Variants in RAP1GDS1 observed in about 807,000 individuals in gnomAD.
RAP1GDS1 encodes Rap1 GTPase-GDP dissociation stimulator 1.
Under a neutral mutation model 71.1 loss-of-function variants are expected in RAP1GDS1, and 35 were observed. That is an observed-to-expected ratio of 0.49 (90% CI 0.38 to 0.65). The LOEUF is 0.65. Among genes scored for constraint, RAP1GDS1 ranks in the 30% least tolerant of loss-of-function variants. The probability of loss-of-function intolerance (pLI) is 0.00; values close to 1 mark genes in which losing one functional copy is unlikely to be tolerated. For synonymous variants in RAP1GDS1, 229 were observed against 243.1 expected (o/e 0.94, Z 0.54); for missense variants, 663 against 706.1 (o/e 0.94, Z 0.69).
At chr4:98,437,132 A>G in intron 14 of RAP1GDS1, 64 bp downstream of exon 14, 2 of 1,392,494 alleles carry the variant, frequency 1.4e-6, no homozygotes, top group Non-Finnish European at 1.9e-6. Context: ...TTAAATATAG[A>G]GTAATAGTAA....
At chr4:98,392,160 C>A in intron 6 of RAP1GDS1, 80 bp downstream of exon 6, 3 of 1,295,032 alleles carry the variant, frequency 2.3e-6, no homozygotes, top group South Asian at 1.6e-5. Context: ...TATTAAGAAG[C>A]TAGAAATCCA....
At chr4:98,316,940 T>TCCA (rs1380687358) in intron 2 of RAP1GDS1, among the ~76,000 whole-genome samples, 1 of 152,148 alleles carries the variant, frequency 6.6e-6, no homozygotes, top group East Asian at 1.9e-4. Context: ...GATGCCGCTA[T>TCCA]GGGATGGGAA....
Position 98,266,832 on chromosome 4 carries a change from A to G in RAP1GDS1, c.4+5263A>G, listed in dbSNP as rs186482457. Among the ~76,000 whole-genome samples the G allele has an allele frequency of 2.6e-5, 4 of 152,292 alleles. No individual in the cohort carries two copies. The East Asian group carries it at 7.7e-4, about 29-fold the overall frequency. ...TAAGAACCAAAATGATTTTGCTTTCATAGTGGAATCTTGGAATTTCTAGGT... is the reference window on the plus strand; with the variant it reads ...TAAGAACCAAAATGATTTTGCTTTCGTAGTGGAATCTTGGAATTTCTAGGT... On this transcript the variant is annotated intron_variant, in intron 1 of 14. Coordinates refer to ENST00000408927, the MANE Select transcript of RAP1GDS1 (RefSeq NM_001100427.2).
At chr4:98,437,708 G>T (rs759437896) in intron 14 of RAP1GDS1, among the ~76,000 whole-genome samples, 1 of 151,540 alleles carries the variant, frequency 6.6e-6, no homozygotes, top group African/African-American at 2.4e-5. Flanking sequence ...CAAGACAATC[G>T]CTTGAACCTG....
intron 1 of RAP1GDS1, among the ~76,000 whole-genome samples, chr4:98,291,459 A>C (rs767419096): frequency 6.6e-6 from 1 of 152,170 alleles, no homozygotes; most frequent in Non-Finnish European, 1.5e-5. Flanking sequence ...CTGGAATTAC[A>C]CAAAAAGTAA....
At chr4:98,272,739 A>G (rs765735404) in intron 1 of RAP1GDS1, among the ~76,000 whole-genome samples, 18 of 151,878 alleles carry the variant, frequency 1.2e-4, no homozygotes, top group Admixed American at 2.6e-4. Context: ...AGTGCTTTGG[A>G]GCTTCTTGGT....
At chr4:98,271,636 TTA>T (rs1491526350) in intron 1 of RAP1GDS1, among the ~76,000 whole-genome samples, 2 of 147,450 alleles carry the variant, frequency 1.4e-5, no homozygotes, top group African/African-American at 5.4e-5. Context: ...GTATATATAA[TTA>T]TGTTTTAATA....
intron 6 of RAP1GDS1, among the ~76,000 whole-genome samples, chr4:98,394,860 T>C (rs1744285454): frequency 6.6e-6 from 1 of 152,124 alleles, no homozygotes; most frequent in African/African-American, 2.4e-5. Context: ...AGATTCCAAA[T>C]TGTTCACGTT....
At chr4:98,293,866 T>C (rs1243188977) in intron 2 of RAP1GDS1, among the ~76,000 whole-genome samples, 1 of 152,056 alleles carries the variant, frequency 6.6e-6, no homozygotes, top group Non-Finnish European at 1.5e-5. Flanking sequence ...TTGTTTTATA[T>C]GTGGGGAGAG....
intron 4 of RAP1GDS1, among the ~76,000 whole-genome samples, chr4:98,354,861 T>G (rs1737724726): frequency 6.6e-6 from 1 of 152,158 alleles, no homozygotes; most frequent in South Asian, 2.1e-4. Context: ...TTTGAAGTCT[T>G]AAAAGTGAAT....
intron 5 of RAP1GDS1, among the ~76,000 whole-genome samples, chr4:98,391,320 T>C (rs944387861): frequency 2.0e-5 from 3 of 152,086 alleles, no homozygotes; most frequent in Non-Finnish European, 2.9e-5. Flanking sequence ...TCCTCTCTCT[T>C]ACTGAGATGA....
chr4:98,300,069 A>G (rs1010067581), intron 2 of RAP1GDS1, among the ~76,000 whole-genome samples: 6 of 152,228 alleles, frequency 3.9e-5, no homozygotes, highest in South Asian at 2.1e-4. Flanking sequence ...AAGAAGTTCT[A>G]TAGGTGAAAT....
chr4:98,407,775 A>G (rs574913282), intron 7 of RAP1GDS1, among the ~76,000 whole-genome samples: 1 of 152,258 alleles, frequency 6.6e-6, no homozygotes, highest in South Asian at 2.1e-4. Flanking sequence ...CTTTGCCACT[A>G]TACAATTCAT....
At position 98,398,908 on chromosome 4, in the gene RAP1GDS1, A is replaced by C. The variant is rs1744950070; in HGVS notation, c.638-5569A>C. ...CAAGGAAAACTACAAAACACTGATG[A>C]GGGAAACTGAAGAGAATACCAGCAA... On this transcript the variant is annotated intron_variant, in intron 6 of 14. Coordinates refer to ENST00000408927, the MANE Select transcript of RAP1GDS1 (RefSeq NM_001100427.2). 2.0e-5 allele frequency among the ~76,000 whole-genome samples: 3 copies of C among 152,308 alleles called. No homozygotes were observed. The South Asian group carries it at 6.2e-4, about 32-fold the overall frequency.
chr4:98,274,471 GT>G (rs1323601707), intron 1 of RAP1GDS1, among the ~76,000 whole-genome samples: 31 of 152,170 alleles, frequency 2.0e-4, no homozygotes, highest in Non-Finnish European at 4.1e-4. Context: ...ATGATAAATT[GT>G]TTTCCCTATT....
intron 2 of RAP1GDS1, among the ~76,000 whole-genome samples, chr4:98,325,665 C>T (rs879702387): frequency 9.7e-4 from 144 of 149,032 alleles, no homozygotes; most frequent in Non-Finnish European, 1.7e-3. Flanking sequence ...AGTAAACTAT[C>T]GCAAGAACAA....
At chr4:98,378,877 A>G (rs977780853) in intron 4 of RAP1GDS1, 140 bp from the exon 5 acceptor site, 1 of 786,580 alleles carries the variant, frequency 1.3e-6, no homozygotes, top group Middle Eastern at 3.9e-4. Context: ...TTTTTTCTGA[A>G]AAGACATATT....
intron 2 of RAP1GDS1, among the ~76,000 whole-genome samples, chr4:98,331,453 G>T (rs1010988168): frequency 6.6e-6 from 1 of 152,130 alleles, no homozygotes; most frequent in Non-Finnish European, 1.5e-5. Context: ...AGACTTAAGA[G>T]TGGCTATGGT....
At chr4:98,390,408 T>C (rs553412645) in intron 5 of RAP1GDS1, among the ~76,000 whole-genome samples, 60 of 152,264 alleles carry the variant, frequency 3.9e-4, no homozygotes, top group African/African-American at 1.4e-3. Context: ...CATTACAAAA[T>C]TTGAAATTGT....
Sources: gnomAD v4.1 joint callset for allele counts (sites outside exome capture counted in the v4.1 genomes callset) on GRCh38, gnomAD v4.1.1 for gene constraint, MANE v1.5 for transcripts, NCBI Gene and HGNC (gene_info 2026-07-23, HGNC 2026-07-21) for gene names.